SLC38A10: variants seen among roughly 807,000 people sequenced by gnomAD.
The protein encoded by SLC38A10 is solute carrier family 38 member 10.
Under a neutral mutation model 81.0 loss-of-function variants are expected in SLC38A10, and 53 were observed. The observed-to-expected ratio is 0.65, with a 90% CI of 0.53 to 0.82. SLC38A10 has a LOEUF of 0.82. Among genes scored for constraint, SLC38A10 ranks in the 40% least tolerant of loss-of-function variants. SLC38A10 has a pLI of 0.00. For synonymous variants in SLC38A10, 665 were observed against 655.3 expected, an observed-to-expected ratio of 1.01 and a Z score of -0.23; for missense variants, 1,471 against 1,545.0, an observed-to-expected ratio of 0.95 and a Z score of 0.80.
rs1043896019 is a variant in SLC38A10, at chr17:81,277,491, G to A, written c.627-358C>T. On this transcript the variant is annotated intron_variant, in intron 6 of 15. Coordinates refer to ENST00000374759, the MANE Select transcript of SLC38A10 (RefSeq NM_001037984.3). The surrounding 1 kb of genome is among the most constrained non-coding windows in gnomAD (Gnocchi z 4.5). Reference sequence around the variant, plus strand: ...GCTCAGAGAATCGCTGTCAAGAGGAGGGAAAGTTAAACAAACACACCCTGG... The same window carrying A: ...GCTCAGAGAATCGCTGTCAAGAGGAAGGAAAGTTAAACAAACACACCCTGG... Among the ~76,000 whole-genome samples the A allele has an allele frequency of 6.6e-6, 1 of 152,248 alleles. No homozygotes were observed. Among genetic ancestry groups the A allele is most frequent in the Non-Finnish European group, 1.5e-5 (1 of 68,046 alleles).
rs559467170 is a variant in SLC38A10, at chr17:81,261,010, G to A, written c.1132-616C>T. On this transcript the variant is annotated intron_variant, in intron 10 of 15. Transcript: ENST00000374759. ...CACAGCTGGCACCATGCATGGGCAC[G>A]GGGGACAGAAATGGCCTTCGCCTCT... is the stretch of plus-strand genomic sequence containing the variant. Among the ~76,000 whole-genome samples the A allele has an allele frequency of 9.8e-5, 15 of 152,354 alleles. No homozygotes were observed. The South Asian group carries it at 1.7e-3, about 17-fold the overall frequency.
chr17:81,290,736 G>A (rs557752657), intron 1 of SLC38A10, among the ~76,000 whole-genome samples: 50 of 152,272 alleles, frequency 3.3e-4, no homozygotes, highest in African/African-American at 1.0e-3. Context: ...AGCCGGGCAC[G>A]GTGGCTCACA....
At chr17:81,290,067 G>A (rs186984395) in intron 1 of SLC38A10, among the ~76,000 whole-genome samples, 39 of 152,298 alleles carry the variant, frequency 2.6e-4, no homozygotes, top group Admixed American at 2.0e-3. Flanking sequence ...AAGTCTTCAT[G>A]GACAGCGGGG....
At chr17:81,266,298 TC>T (rs1012029089) in intron 10 of SLC38A10, among the ~76,000 whole-genome samples, 35 of 152,194 alleles carry the variant, frequency 2.3e-4, no homozygotes, top group Admixed American at 3.3e-4. Flanking sequence ...ATCTCTAACT[TC>T]CCTTTACACA....
chr17:81,258,212 CCAATAAAACTCCG>C (rs2062989870), intron 11 of SLC38A10, among the ~76,000 whole-genome samples: 1 of 152,186 alleles, frequency 6.6e-6, no homozygotes, highest in Admixed American at 6.5e-5. Flanking sequence ...ATCAAAGAGA[CCAATAAAACTCCG>C]CTCAGCAGTC....
intron 10 of SLC38A10, chr17:81,263,049 G>A (rs902249805): frequency 6.6e-6 from 1 of 152,246 alleles, no homozygotes; most frequent in South Asian, 2.1e-4. Context: ...ACGCTCGACC[G>A]AGGCCCTGCA....
intron 1 of SLC38A10, among the ~76,000 whole-genome samples, chr17:81,290,988 C>T (rs775271979): frequency 1.2e-4 from 18 of 151,874 alleles, no homozygotes; most frequent in Non-Finnish European, 2.6e-4. Context: ...GCCTGGCGAC[C>T]GAGCAAGACT....
chr17:81,249,380 CAGGAGGGAGGGAAGAGGAGGATGA>C (rs2062886619), intron 14 of SLC38A10, among the ~76,000 whole-genome samples: 1 of 534 alleles, frequency 1.9e-3, no homozygotes, highest in Non-Finnish European at 3.6e-3. Flanking sequence ...GGAAGAGGAG[CAGGAGGGAGGGAAGAGGAGGATGA>C]AGGAGGGAGG....
intron 1 of SLC38A10, among the ~76,000 whole-genome samples, chr17:81,292,740 T>C (rs1252220082): frequency 2.0e-5 from 3 of 152,180 alleles, no homozygotes; most frequent in East Asian, 3.9e-4. Context: ...ACATGGCAGG[T>C]GGTCCAAGGC....
rs2062946147 is a variant in SLC38A10 at position 81,253,818 on chromosome 17, CATCATCACCATCACCGCT to C, written c.1289-596_1289-579del. The stretch of plus-strand genomic sequence containing the variant: ...CCATCACCATCATCATCACCGTCAC[CATCATCACCATCACCGCT>C]ATCATCACCACCATCTCCATCCCTA... On this transcript the variant is annotated intron_variant, in intron 11 of 15. Coordinates refer to ENST00000374759, the MANE Select transcript of SLC38A10 (RefSeq NM_001037984.3). This position sits in a 1 kb window ranked among gnomAD's most constrained non-coding sequence, Gnocchi z 4.1. Among the ~76,000 whole-genome samples the C allele has an allele frequency of 6.6e-6, 1 of 150,678 alleles. No individual in the cohort carries two copies. Among genetic ancestry groups the C allele is most frequent in the South Asian group, 2.1e-4 (1 of 4,758 alleles).
chr17:81,292,110 CTAGATA>C (rs976585363), intron 1 of SLC38A10, among the ~76,000 whole-genome samples: 3 of 151,604 alleles, frequency 2.0e-5, no homozygotes, highest in Admixed American at 1.3e-4. Flanking sequence ...CTATATCTAT[CTAGATA>C]TAGATATAGA....
rs769913063 is a variant in SLC38A10, at chr17:81,289,569, T to TA, written c.217+121dup. On this transcript the variant is annotated intron_variant, in intron 2 of 15. Coordinates refer to ENST00000374759, the MANE Select transcript of SLC38A10 (RefSeq NM_001037984.3). This position sits in a 1 kb window ranked among gnomAD's most constrained non-coding sequence, Gnocchi z 5.9. Reference sequence around the variant, plus strand: ...TTTTTTGCAGCATTACATTTTAAAATAAAAAAAACCCTGCTATCCAAGGAA... The same window carrying TA: ...TTTTTTGCAGCATTACATTTTAAAATAAAAAAAAACCCTGCTATCCAAGGAA... 1.6e-4 allele frequency: 110 copies of TA among 704,232 alleles called. No individual in the cohort carries two copies. In the Middle Eastern group the frequency reaches 1.7e-3, roughly 11 times the overall value. 43.6% of individuals were successfully genotyped at this position (704,232 alleles called of 1,614,324 possible).
chr17:81,272,589 G>A lies in SLC38A10; in HGVS notation c.951C>T (p.Pro317=), dbSNP rs1473484970. Residue 317 remains proline (P), a synonymous_variant, in exon 9 of 16, where the codon CCC becomes CCT. Coordinates refer to ENST00000374759, the MANE Select transcript of SLC38A10 (RefSeq NM_001037984.3). The part of the protein sequence containing the change: ...DGTFAAGGYM[P]PLRFKALTLS... ...GGGTAAGTGCTTTAAACCGGAGAGG[G>A]GGCATGTAGCCCCCTGCTGCAAAGG... 1.3e-6 allele frequency: 2 copies of A among 1,577,304 alleles called. No individual in the cohort carries two copies. Among genetic ancestry groups the A allele is most frequent in the Admixed American group, 1.9e-5 (1 of 52,278 alleles).
Position 81,252,354 on chromosome 17 carries a change from G to T in SLC38A10, c.1786C>A (p.Leu596Met). 1 of 1,613,112 alleles carries T rather than the reference G, an allele frequency of 6.2e-7. No individual in the cohort carries two copies. The highest frequency in any genetic ancestry group is 8.5e-7 in the Non-Finnish European group (1 of 1,179,962). ...TGCAGGCCCCTGTCTCCTGGCCCCAGGTCCTCCTTTGCAGGCTGGACAGCT... is the reference window on the plus strand; with the variant it reads ...TGCAGGCCCCTGTCTCCTGGCCCCATGTCCTCCTTTGCAGGCTGGACAGCT... ...QPAVQPAKED[L>M]GPGDRGLHPR... is the part of the protein sequence containing the mutation. Residue 596 changes from leucine to methionine, a missense_variant, in exon 13 of 16, where the codon CTG becomes ATG. Physicochemically the swap from Leu to Met is conservative, Grantham distance 15. Transcript: ENST00000374759.
rs759688539 is a variant in SLC38A10 at position 81,283,908 on chromosome 17, C to T, written c.264-406G>A. Among the ~76,000 whole-genome samples the T allele has an allele frequency of 6.6e-6, 1 of 150,784 alleles. No homozygotes were observed. The highest frequency in any genetic ancestry group is 2.4e-5 in the African/African-American group (1 of 41,140). On this transcript the variant is annotated intron_variant, in intron 3 of 15. Transcript: ENST00000374759. This position sits in a 1 kb window ranked among gnomAD's most constrained non-coding sequence, Gnocchi z 4.7. ...TACAGGCGTGAGCCACTGTGCCTGGCCAACAGATGTGATTTCAAACGCGCC... is the reference window on the plus strand; with the variant it reads ...TACAGGCGTGAGCCACTGTGCCTGGTCAACAGATGTGATTTCAAACGCGCC...
rs202165924 is a variant in SLC38A10 at position 81,248,548 on chromosome 17, A to G, written c.2066-1487T>C. 2.2e-4 allele frequency among the ~76,000 whole-genome samples: 33 copies of G among 152,376 alleles called. No individual in the cohort carries two copies. The East Asian group carries it at 6.0e-3, about 28-fold the overall frequency. Reference sequence around the variant, plus strand: ...CGGCTGTGACTTATGTCATTTTTACAAGATGTTTTCAAATTATTATAGGAA... The same window carrying G: ...CGGCTGTGACTTATGTCATTTTTACGAGATGTTTTCAAATTATTATAGGAA... On this transcript the variant is annotated intron_variant, in intron 14 of 15. Transcript: ENST00000374759.
intron 10 of SLC38A10, among the ~76,000 whole-genome samples, chr17:81,268,945 G>A (rs1317954952): frequency 1.3e-5 from 2 of 152,182 alleles, no homozygotes; most frequent in Non-Finnish European, 2.9e-5. Context: ...GATGAAACAA[G>A]CTATCCTGTG....
chr17:81,284,929 C>G, intron 2 of SLC38A10, 34 bp from the exon 3 acceptor site: 12 of 1,532,098 alleles, frequency 7.8e-6, no homozygotes, highest in Non-Finnish European at 1.1e-5. Context: ...CTCAATCCAA[C>G]AGCGTGAGAA....
Position 81,294,810 on chromosome 17 carries a change from C to A in SLC38A10, c.99+13G>T. 1 of 1,573,222 alleles carries A rather than the reference C, an allele frequency of 6.4e-7. No homozygotes were observed. The highest frequency in any genetic ancestry group is 1.2e-5 in the South Asian group (1 of 86,744). ...GAGGCGAGGGCGGTGATCTCCGGGC[C>A]CACCGGACTCACCTGTTTGAAGCAG... On this transcript the variant is annotated intron_variant, in intron 1 of 15. Coordinates refer to ENST00000374759, the MANE Select transcript of SLC38A10 (RefSeq NM_001037984.3).
Sources: gnomAD v4.1 joint callset for allele counts (sites outside exome capture counted in the v4.1 genomes callset) on GRCh38, gnomAD v4.1.1 for gene constraint, Gnocchi (gnomAD v3.1) non-coding constraint, MANE v1.5 for transcripts, NCBI Gene and HGNC (gene_info 2026-07-23, HGNC 2026-07-21) for gene names.